PKD1L3: variants seen among roughly 807,000 people sequenced by gnomAD.
PKD1L3 encodes the protein polycystin 1 like 3, transient receptor potential channel interacting.
A neutral mutation model predicts 184.1 loss-of-function variants in PKD1L3; 239 were observed. The ratio of observed to expected loss-of-function variants is 1.30; its 90% CI spans 1.17 to 1.45. The LOEUF (loss-of-function observed/expected upper bound fraction) is 1.45, where lower values mean the gene tolerates loss of function less well. Among genes scored for constraint, PKD1L3 ranks in the 40% most tolerant of loss-of-function variants. PKD1L3 has a pLI of 0.00. For missense variants in PKD1L3, 2,660 were observed against 2,067.2 expected (o/e 1.29, Z -5.56); for synonymous variants, 996 against 778.8 (o/e 1.28, Z -4.64).
chr16:71,981,839 C>A (rs1438982734), intron 7 of PKD1L3, among the ~76,000 whole-genome samples: 2 of 152,062 alleles, frequency 1.3e-5, no homozygotes, highest in East Asian at 1.9e-4. Flanking sequence ...CCGGGTCCAG[C>A]CCCTAAGTCC....
chr16:71,955,366 G>T (rs1002559376), intron 16 of PKD1L3, among the ~76,000 whole-genome samples: 4 of 152,030 alleles, frequency 2.6e-5, no homozygotes, highest in African/African-American at 7.2e-5. Context: ...GGACCCAGGA[G>T]GCAGAGGTTG....
chr16:71,982,279 T>C (rs1242624573), intron 6 of PKD1L3, 44 bp from the exon 7 acceptor site: 2 of 133,004 alleles, frequency 1.5e-5, no homozygotes, highest in Non-Finnish European at 2.4e-5. Flanking sequence ...AATTGTTTGC[T>C]TTTTTTTTTT....
chr16:71,982,102 G>C lies in PKD1L3; in HGVS notation c.1100C>G (p.Ala367Gly), dbSNP rs758954456. The C allele has an allele frequency of 2.8e-5, 44 of 1,551,190 alleles. No homozygotes were observed. The highest frequency in any genetic ancestry group is 3.7e-5 in the Non-Finnish European group (43 of 1,146,870). Reference sequence around the variant, plus strand: ...GGATTCCAGCCAACTTCCTTCTCCAGCTTTGGTGACATTGTTGAGGGAATG... The same window carrying C: ...GGATTCCAGCCAACTTCCTTCTCCACCTTTGGTGACATTGTTGAGGGAATG... The part of the protein sequence containing the change: ...PFHSLNNVTK[A>G]GEGSWLESKR... Residue 367 changes from alanine to glycine, a missense_variant, in exon 7 of 30, where the codon GCT becomes GGT. By Grantham distance (60) the Ala-to-Gly change is moderately conservative. Coordinates refer to ENST00000620267, the MANE Select transcript of PKD1L3 (RefSeq NM_181536.2).
intron 12 of PKD1L3, among the ~76,000 whole-genome samples, chr16:71,971,283 A>C (rs969750649): frequency 6.6e-6 from 1 of 152,210 alleles, no homozygotes; most frequent in Non-Finnish European, 1.5e-5. Context: ...GTTTTTTATT[A>C]TTCTTTATGG....
chr16:71,964,795 C>G (rs1270243948), intron 15 of PKD1L3, among the ~76,000 whole-genome samples: 2 of 151,658 alleles, frequency 1.3e-5, no homozygotes, highest in Non-Finnish European at 2.9e-5. Context: ...AATAGTTAGC[C>G]TTTTATGGAA....
At chr16:71,941,065 T>C (rs577030379) in intron 24 of PKD1L3, among the ~76,000 whole-genome samples, 7 of 152,176 alleles carry the variant, frequency 4.6e-5, no homozygotes, top group African/African-American at 1.7e-4. Flanking sequence ...CTCGAACTCC[T>C]GGGCTCAAGT....
At chr16:71,976,843 G>T (rs8047848) in intron 11 of PKD1L3, among the ~76,000 whole-genome samples, 24 of 151,732 alleles carry the variant, frequency 1.6e-4, no homozygotes, top group Non-Finnish European at 2.4e-4. Context: ...CCCAGGTTCA[G>T]GACATTTTCC....
At chr16:71,984,808 G>A (rs1340197430) in intron 5 of PKD1L3, among the ~76,000 whole-genome samples, 2 of 152,246 alleles carry the variant, frequency 1.3e-5, no homozygotes, top group Admixed American at 6.5e-5. Flanking sequence ...GCAGTGAGCC[G>A]AGATTGCGCC....
At chr16:71,960,682 A>G (rs2039243458) in intron 16 of PKD1L3, among the ~76,000 whole-genome samples, 1 of 152,230 alleles carries the variant, frequency 6.6e-6, no homozygotes, top group African/African-American at 2.4e-5. Context: ...TCTATTGGAA[A>G]CACAGAGATT....
At chr16:71,969,513 T>C (rs2039630673) in intron 13 of PKD1L3, among the ~76,000 whole-genome samples, 1 of 150,168 alleles carries the variant, frequency 6.7e-6, no homozygotes, top group Non-Finnish European at 1.5e-5. Flanking sequence ...GGTCTTGTTA[T>C]GGTGGCCAGG....
chr16:71,976,914 T>G (rs1158233959), intron 11 of PKD1L3, among the ~76,000 whole-genome samples: 1 of 152,172 alleles, frequency 6.6e-6, no homozygotes, highest in African/African-American at 2.4e-5. Context: ...GGCTAATTTT[T>G]TTGCATTTTT....
intron 24 of PKD1L3, among the ~76,000 whole-genome samples, chr16:71,939,488 T>C (rs372141148): frequency 6.6e-6 from 1 of 152,236 alleles, no homozygotes; most frequent in Non-Finnish European, 1.5e-5. Flanking sequence ...GTACCCCTTG[T>C]AGGTAAAAAA....
chr16:71,998,220 GA>G, intron 2 of PKD1L3, 51 bp downstream of exon 2: 3 of 1,547,250 alleles, frequency 1.9e-6, no homozygotes, highest in Non-Finnish European at 2.6e-6. Flanking sequence ...TCCTTATTTA[GA>G]ATCAGTTTCT....
intron 2 of PKD1L3, among the ~76,000 whole-genome samples, chr16:71,997,878 C>T (rs942221239): frequency 2.6e-5 from 4 of 152,200 alleles, no homozygotes; most frequent in African/African-American, 4.8e-5. Flanking sequence ...CGGATAACAG[C>T]CCTCTCACCG....
chr16:71,947,498 G>C lies in PKD1L3; in HGVS notation c.3712C>G (p.Leu1238Val), dbSNP rs778187611. Reference sequence around the variant, plus strand: ...TTAGAACTACTTGAGTTACCCAAGAGTGCCAAGATCCTCTTTGTTTGTTGT... The same window carrying C: ...TTAGAACTACTTGAGTTACCCAAGACTGCCAAGATCCTCTTTGTTTGTTGT... ...NEQQTKRILA[L>V]LAKCSSSVPG... Residue 1238 changes from leucine to valine, a missense_variant, in exon 22 of 30, where the codon CTC becomes GTC. Leu to Val is a conservative substitution (Grantham distance 32). Transcript: ENST00000620267. The C allele has an allele frequency of 3.9e-6, 6 of 1,525,298 alleles. No individual in the cohort carries two copies. In the African/African-American group the frequency reaches 5.8e-5, roughly 15 times the overall value. The allele number at this position is 1,525,298 out of a possible 1,614,324, so 94.5% of individuals were successfully genotyped here.
rs563900439 is a variant in PKD1L3, at chr16:71,977,709, T to G, written c.1528-242A>C. Reference sequence around the variant, plus strand: ...ACTGTGCCCAGCCAGGTCTTCCTCATTGGATGTTAGTAGCTAATACTGCTG... The same window carrying G: ...ACTGTGCCCAGCCAGGTCTTCCTCAGTGGATGTTAGTAGCTAATACTGCTG... On this transcript the variant is annotated intron_variant, in intron 10 of 29. Transcript: ENST00000620267. 1.2e-4 allele frequency among the ~76,000 whole-genome samples: 18 copies of G among 151,890 alleles called. No individual in the cohort carries two copies. In the South Asian group the frequency reaches 3.7e-3, roughly 32 times the overall value.
At chr16:71,973,550 C>A (rs1400379050) in intron 11 of PKD1L3, 33 bp from the exon 12 acceptor site, 4 of 1,514,338 alleles carry the variant, frequency 2.6e-6, no homozygotes, top group Non-Finnish European at 3.6e-6. Flanking sequence ...ACTTGTATAT[C>A]AAATGGAACA....
At chr16:71,991,978 AATTTTT>A (rs978738148) in intron 3 of PKD1L3, among the ~76,000 whole-genome samples, 1 of 152,064 alleles carries the variant, frequency 6.6e-6, no homozygotes, top group Non-Finnish European at 1.5e-5. Flanking sequence ...TAATTTTTTT[AATTTTT>A]ATTTTTAAAA....
At chr16:71,954,076 A>G (rs910341018) in intron 17 of PKD1L3, 29 bp downstream of exon 17, 9 of 1,468,050 alleles carry the variant, frequency 6.1e-6, no homozygotes, top group Admixed American at 5.4e-5. Flanking sequence ...TGCTTACTAC[A>G]AACAACACAC....
Sources: gnomAD v4.1 joint callset for allele counts (sites outside exome capture counted in the v4.1 genomes callset) on GRCh38, gnomAD v4.1.1 for gene constraint, MANE v1.5 for transcripts, NCBI Gene and HGNC (gene_info 2026-07-23, HGNC 2026-07-21) for gene names.